The following KCNIP1 variants were observed in gnomAD, a reference collection of about 807,000 sequenced individuals.
The protein encoded by KCNIP1 is A-type potassium channel modulatory protein KCNIP1.
In KCNIP1, 18 loss-of-function variants were observed where a neutral mutation model predicts 33.0. That is an observed-to-expected ratio of 0.55 (90% confidence interval 0.38 to 0.81). The LOEUF is 0.81. KCNIP1 is among the 30% of genes least tolerant of loss of function. The probability of loss-of-function intolerance (pLI) is 0.00; values close to 1 mark genes in which losing one functional copy is unlikely to be tolerated. For missense variants in KCNIP1, 238 were observed against 271.6 expected (o/e 0.88, Z 0.87); for synonymous variants, 93 against 98.3 (o/e 0.95, Z 0.32).
At chr5:170,363,269 C>T (rs1006485772) in intron 1 of KCNIP1, among the ~76,000 whole-genome samples, 2 of 152,178 alleles carry the variant, frequency 1.3e-5, no homozygotes, top group African/African-American at 2.4e-5. Context: ...CTGTCAGCAC[C>T]GTCACTTCTG....
chr5:170,470,950 A>G (rs1328411488), intron 1 of KCNIP1, among the ~76,000 whole-genome samples: 1 of 152,136 alleles, frequency 6.6e-6, no homozygotes. Context: ...CATTTGGTGG[A>G]GGTCTGGGTT....
chr5:170,718,712 T>C, intron 1 of KCNIP1, 46 bp from the exon 2 acceptor site: 1 of 1,611,186 alleles, frequency 6.2e-7, no homozygotes, highest in South Asian at 1.1e-5. Context: ...CTAACAAGAA[T>C]GACTCCCAAG....
At chr5:170,383,299 G>A (rs1311615840) in intron 1 of KCNIP1, 6 of 505,042 alleles carry the variant, frequency 1.2e-5, no homozygotes, top group Non-Finnish European at 1.8e-5. Flanking sequence ...TAGAATGAAA[G>A]TACTAACACT....
chr5:170,402,211 C>T (rs1344318379), intron 1 of KCNIP1, among the ~76,000 whole-genome samples: 1 of 148,504 alleles, frequency 6.7e-6, no homozygotes, highest in African/African-American at 2.5e-5. Flanking sequence ...ATAATGTCTA[C>T]AAAGACTCTT....
intron 1 of KCNIP1, among the ~76,000 whole-genome samples, chr5:170,665,746 A>C (rs1039397186): frequency 6.6e-6 from 1 of 152,152 alleles, no homozygotes; most frequent in Non-Finnish European, 1.5e-5. Context: ...TGGCTGTGAC[A>C]GTTTCTTAGG....
At chr5:170,603,950 G>A (rs1200365049) in intron 1 of KCNIP1, among the ~76,000 whole-genome samples, 1 of 152,228 alleles carries the variant, frequency 6.6e-6, no homozygotes, top group Non-Finnish European at 1.5e-5. Flanking sequence ...ACAGGAGGTG[G>A]AGGGGAAGAA....
intron 1 of KCNIP1, among the ~76,000 whole-genome samples, chr5:170,690,243 C>G (rs1301862522): frequency 6.6e-6 from 1 of 152,204 alleles, no homozygotes; most frequent in African/African-American, 2.4e-5. Flanking sequence ...TTTCCAACTT[C>G]AACAGCAAAA....
At chr5:170,552,650 A>C (rs1756691699) in intron 1 of KCNIP1, among the ~76,000 whole-genome samples, 1 of 152,102 alleles carries the variant, frequency 6.6e-6, no homozygotes, top group East Asian at 1.9e-4. Flanking sequence ...GCAGGAAATG[A>C]AAGGGAGGGT....
At chr5:170,535,103 C>A (rs547820679) in intron 1 of KCNIP1, among the ~76,000 whole-genome samples, 2 of 152,186 alleles carry the variant, frequency 1.3e-5, no homozygotes, top group Non-Finnish European at 2.9e-5. Flanking sequence ...GTCCCAGCGC[C>A]GTCTCCGCAA....
upstream of KCNIP1, among the ~76,000 whole-genome samples, chr5:170,500,708 T>A (rs987906219): frequency 6.6e-6 from 1 of 152,192 alleles, no homozygotes; most frequent in Non-Finnish European, 1.5e-5. Context: ...TCATGGGTGA[T>A]GTTGGCTGCA....
chr5:170,393,123 G>C (rs575946729), intron 1 of KCNIP1, among the ~76,000 whole-genome samples: 1 of 152,112 alleles, frequency 6.6e-6, no homozygotes, highest in Non-Finnish European at 1.5e-5. Context: ...ACCTGTGCCC[G>C]CTGACTCCAC....
chr5:170,444,699 T>TA (rs111942720), intron 1 of KCNIP1, among the ~76,000 whole-genome samples: 33,103 of 146,094 alleles, frequency 0.23, 3,784 homozygotes, highest in South Asian at 0.3. Flanking sequence ...TTTCTTTTTT[T>TA]AAAAAAAAAA....
At chr5:170,491,891 C>T (rs1255381367) in intron 1 of KCNIP1, among the ~76,000 whole-genome samples, 2 of 152,172 alleles carry the variant, frequency 1.3e-5, no homozygotes, top group East Asian at 1.9e-4. Context: ...GGGCCCAGCT[C>T]GATGGCATAT....
At chr5:170,403,475 A>T (rs962999504) in intron 1 of KCNIP1, among the ~76,000 whole-genome samples, 2 of 152,182 alleles carry the variant, frequency 1.3e-5, no homozygotes, top group African/African-American at 2.4e-5. Flanking sequence ...ATACAGAGGG[A>T]TGGGGCTGTA....
At chr5:170,481,491 G>A (rs1341906544) in intron 1 of KCNIP1, among the ~76,000 whole-genome samples, 4 of 152,160 alleles carry the variant, frequency 2.6e-5, no homozygotes, top group Non-Finnish European at 5.9e-5. Flanking sequence ...AGTTTAGCGT[G>A]AGCATTGCTC....
At chr5:170,728,421 A>C (rs948073388) in intron 5 of KCNIP1, among the ~76,000 whole-genome samples, 5 of 152,230 alleles carry the variant, frequency 3.3e-5, no homozygotes, top group Non-Finnish European at 7.3e-5. Flanking sequence ...ATGATTTTCT[A>C]TCTGAGAAAA....
chr5:170,520,165 A>G (rs1457401087), intron 1 of KCNIP1, among the ~76,000 whole-genome samples: 1 of 152,212 alleles, frequency 6.6e-6, no homozygotes, highest in Non-Finnish European at 1.5e-5. Context: ...TGTGCTGGGC[A>G]CTGCCCTTAA....
chr5:170,364,048 T>G (rs1157485004), intron 1 of KCNIP1, among the ~76,000 whole-genome samples: 1 of 151,556 alleles, frequency 6.6e-6, no homozygotes, highest in Non-Finnish European at 1.5e-5. Context: ...TCATCCAAGC[T>G]GGAGTGCAGT....
chr5:170,703,678 T>C lies in KCNIP1; in HGVS notation c.62-15080T>C, dbSNP rs1267932687. Among the ~76,000 whole-genome samples, 3 of 137,754 alleles carry C rather than the reference T, an allele frequency of 2.2e-5. 1 individual carries two copies. The highest frequency in any genetic ancestry group is 4.6e-5 in the Non-Finnish European group (3 of 65,630). The allele number at this position is 137,754 out of a possible 152,430, so 90.4% of individuals were successfully genotyped here. On this transcript the variant is annotated intron_variant, in intron 1 of 7. Coordinates refer to ENST00000328939, the MANE Select transcript of KCNIP1 (RefSeq NM_014592.4). ...TACCCTGTGGGCTGCCAGATTGTGA[T>C]TTCTGAACTAAACTGTCAGATTACA...
Sources: gnomAD v4.1 joint callset for allele counts (sites outside exome capture counted in the v4.1 genomes callset) on GRCh38, gnomAD v4.1.1 for gene constraint, MANE v1.5 for transcripts, NCBI Gene and HGNC (gene_info 2026-07-23, HGNC 2026-07-21) for gene names.